The following SLC8A1 variants were observed in gnomAD, a reference collection of about 807,000 sequenced individuals.
SLC8A1 encodes sodium/calcium exchanger 1.
SLC8A1 carries 18 observed loss-of-function variants against 68.3 expected under a neutral mutation model. That is an observed-to-expected ratio of 0.26 (90% CI 0.18 to 0.39). The LOEUF is 0.39. SLC8A1 is among the 10% of genes least tolerant of loss of function. The pLI is 1.00. For synonymous variants in SLC8A1, 475 were observed against 415.5 expected (o/e 1.14, Z -1.74); for missense variants, 985 against 1,156.7 (o/e 0.85, Z 2.15).
intron 2 of SLC8A1, among the ~76,000 whole-genome samples, chr2:40,320,903 G>A (rs2075104476): frequency 6.6e-6 from 1 of 152,138 alleles, no homozygotes. Context: ...CAATTTGGCT[G>A]TGAGTTACCC....
At chr2:40,164,743 A>C (rs1336452239) in intron 5 of SLC8A1, 111 bp downstream of exon 8, 20 of 1,402,306 alleles carry the variant, frequency 1.4e-5, no homozygotes, top group Admixed American at 1.3e-4. Flanking sequence ...CCAGTTCCTG[A>C]AATTACATCT....
chr2:40,479,138 A>T (rs1251173840), intron 1 of SLC8A1, among the ~76,000 whole-genome samples: 1 of 152,190 alleles, frequency 6.6e-6, no homozygotes, highest in Non-Finnish European at 1.5e-5. Flanking sequence ...TTAATTCAGA[A>T]TGTACAAAGA....
intron 2 of SLC8A1, among the ~76,000 whole-genome samples, chr2:40,231,748 T>TCATCAAGAACTAGCAACACCCA (rs2059675795): frequency 1.3e-5 from 2 of 152,170 alleles, no homozygotes; most frequent in Non-Finnish European, 2.9e-5. Flanking sequence ...TGTGTATTTT[T>TCATCAAGAACTAGCAACACCCA]CATCAAGAAC....
chr2:40,295,926 G>A (rs2070289535), intron 2 of SLC8A1, among the ~76,000 whole-genome samples: 1 of 152,154 alleles, frequency 6.6e-6, no homozygotes, highest in Admixed American at 6.6e-5. Context: ...GAGGAGAAGG[G>A]AAGAGAGACA....
intron 1 of SLC8A1, among the ~76,000 whole-genome samples, chr2:40,481,848 A>T (rs2149913224): frequency 6.6e-6 from 1 of 152,332 alleles, no homozygotes; most frequent in South Asian, 2.1e-4. Context: ...AAATGAAGTT[A>T]GGTTTCCAAT....
intron 1 of SLC8A1, among the ~76,000 whole-genome samples, chr2:40,500,677 C>CATTGAT (rs2149935616): frequency 6.6e-6 from 1 of 151,240 alleles, no homozygotes; most frequent in South Asian, 2.1e-4. Context: ...ATTCCCAGTT[C>CATTGAT]ATTGATGTTG....
At chr2:40,410,057 G>A (rs996033393) in intron 2 of SLC8A1, among the ~76,000 whole-genome samples, 1 of 151,990 alleles carries the variant, frequency 6.6e-6, no homozygotes, top group Non-Finnish European at 1.5e-5. Context: ...GGCAACTTCT[G>A]GAAGCAAATA....
At chr2:40,117,462 G>T (rs1389328778) in intron 7 of SLC8A1, among the ~76,000 whole-genome samples, 1 of 149,436 alleles carries the variant, frequency 6.7e-6, no homozygotes, top group Non-Finnish European at 1.5e-5. Context: ...CTACTTGGGA[G>T]GCTGAAGCAT....
Position 40,206,142 on chromosome 2 carries a change from A to G in SLC8A1, c.1809-28287T>C, listed in dbSNP as rs554363196. ...TTCACAATTATAATTGAATCAACAA[A>G]TGGATAGAAGCTATGAAGAACCAAT... On this transcript the variant is annotated intron_variant, in intron 2 of 7. Coordinates refer to ENST00000406785, the Ensembl canonical transcript of SLC8A1. Among the ~76,000 whole-genome samples the G allele has an allele frequency of 1.8e-4, 28 of 152,214 alleles. No homozygotes were observed. The South Asian group carries it at 5.6e-3, about 30-fold the overall frequency.
intron 2 of SLC8A1, among the ~76,000 whole-genome samples, chr2:40,339,103 A>G (rs1476388683): frequency 6.6e-6 from 1 of 152,070 alleles, no homozygotes; most frequent in Non-Finnish European, 1.5e-5. Flanking sequence ...AACCAAGATG[A>G]TTGATATTAC....
At chr2:40,291,458 G>A (rs1318515192) in intron 2 of SLC8A1, among the ~76,000 whole-genome samples, 2 of 152,094 alleles carry the variant, frequency 1.3e-5, no homozygotes, top group East Asian at 1.9e-4. Context: ...GTTTCAAGCT[G>A]GGAGTTCCTT....
chr2:40,317,764 T>C (rs1485298887), intron 2 of SLC8A1, among the ~76,000 whole-genome samples: 2 of 152,124 alleles, frequency 1.3e-5, no homozygotes, highest in Non-Finnish European at 2.9e-5. Context: ...TTTATTCTTA[T>C]CTGAAAATTA....
intron 2 of SLC8A1, among the ~76,000 whole-genome samples, chr2:40,188,284 A>G (rs1196540061): frequency 6.7e-6 from 1 of 149,242 alleles, no homozygotes; most frequent in Non-Finnish European, 1.5e-5. Flanking sequence ...CTAGAAAATA[A>G]TATTTTAACA....
intron 4 of SLC8A1, among the ~76,000 whole-genome samples, chr2:40,165,932 A>G (rs186576910): frequency 1.2e-3 from 179 of 152,356 alleles, no homozygotes; most frequent in African/African-American, 3.9e-3. Flanking sequence ...TGCTGAAACA[A>G]GACAAGCTAC....
At chr2:40,489,638 GAGA>G (rs1705191726) in intron 1 of SLC8A1, among the ~76,000 whole-genome samples, 1 of 152,028 alleles carries the variant, frequency 6.6e-6, no homozygotes, top group Non-Finnish European at 1.5e-5. Flanking sequence ...ACTTTAGTTG[GAGA>G]AGGAGAGAAG....
intron 2 of SLC8A1, among the ~76,000 whole-genome samples, chr2:40,346,047 TAAAAAAAAAA>T (rs774555210): frequency 1.0e-3 from 42 of 41,696 alleles, no homozygotes; most frequent in Non-Finnish European, 1.3e-3. Flanking sequence ...ACATTAACAG[TAAAAAAAAAA>T]AAAAAAAAAA....
At chr2:40,371,499 C>G (rs752108115) in intron 2 of SLC8A1, among the ~76,000 whole-genome samples, 1 of 152,060 alleles carries the variant, frequency 6.6e-6, no homozygotes, top group South Asian at 2.1e-4. Context: ...TCAGGGACCT[C>G]ACTCTTAAAA....
At chr2:40,352,333 A>T (rs543830026) in intron 2 of SLC8A1, among the ~76,000 whole-genome samples, 1 of 152,294 alleles carries the variant, frequency 6.6e-6, no homozygotes, top group African/African-American at 2.4e-5. Context: ...AGCTAAAAAT[A>T]TGCCATTATG....
chr2:40,400,450 G>A (rs1688370458), intron 2 of SLC8A1, among the ~76,000 whole-genome samples: 1 of 152,180 alleles, frequency 6.6e-6, no homozygotes, highest in Non-Finnish European at 1.5e-5. Flanking sequence ...TAGTCAAAAT[G>A]TTCCTGGCAA....
Sources: allele counts gnomAD v4.1 joint callset (sites outside exome capture counted in the v4.1 genomes callset), GRCh38; gene constraint gnomAD v4.1.1; transcripts MANE v1.5; gene names NCBI Gene and HGNC (gene_info 2026-07-23, HGNC 2026-07-21).